The following KATNAL1 variants were observed in gnomAD, a reference collection of about 807,000 sequenced individuals.
The protein encoded by KATNAL1 is katanin catalytic subunit A1 like 1, also known as katanin p60 ATPase-containing subunit A-like 1.
KATNAL1 carries 32 observed loss-of-function variants against 55.2 expected under a neutral mutation model. The ratio of observed to expected loss-of-function variants is 0.58; its 90% confidence interval spans 0.44 to 0.78. The LOEUF is 0.78. Ranked by LOEUF, KATNAL1 falls within the 30% of genes least tolerant of loss-of-function variation. The probability of loss-of-function intolerance (pLI) is 0.00; values close to 1 mark genes in which losing one functional copy is unlikely to be tolerated. For missense variants in KATNAL1, 466 were observed against 600.9 expected (o/e 0.78, Z 2.35); for synonymous variants, 193 against 193.6 (o/e 1.00, Z 0.02).
chr13:30,293,740 C>G (rs1053378009), intron 1 of KATNAL1, among the ~76,000 whole-genome samples: 1 of 152,152 alleles, frequency 6.6e-6, no homozygotes, highest in Non-Finnish European at 1.5e-5. Context: ...ACAGGCCCAC[C>G]TCAGTTTACC....
chr13:30,277,975 T>C (rs1206438196), intron 3 of KATNAL1, among the ~76,000 whole-genome samples: 1 of 88,022 alleles, frequency 1.1e-5, no homozygotes, highest in Admixed American at 1.9e-4. Flanking sequence ...AGAGCGAGAC[T>C]CCGTCTCAAA....
intron 8 of KATNAL1, 120 bp from the exon 9 acceptor site, chr13:30,227,666 C>T (rs973262433): frequency 1.6e-5 from 16 of 976,020 alleles, no homozygotes; most frequent in Middle Eastern, 2.8e-4. Context: ...GCAGTCCTGA[C>T]CTCTGTGTGG....
At chr13:30,275,697 C>T (rs1880791253) in intron 3 of KATNAL1, among the ~76,000 whole-genome samples, 1 of 151,906 alleles carries the variant, frequency 6.6e-6, no homozygotes, top group African/African-American at 2.4e-5. Context: ...GAGGGTAGAT[C>T]TTAAGTGTTC....
chr13:30,231,617 A>G (rs553061457), intron 6 of KATNAL1, 145 bp from the exon 7 acceptor site: 9 of 486,592 alleles, frequency 1.8e-5, no homozygotes, highest in Middle Eastern at 5.6e-4. Context: ...GCATTTAGTA[A>G]GAGTATTATT....
intron 4 of KATNAL1, among the ~76,000 whole-genome samples, chr13:30,247,625 T>C (rs1877916852): frequency 6.6e-6 from 1 of 152,004 alleles, no homozygotes; most frequent in Non-Finnish European, 1.5e-5. Flanking sequence ...TTCACAAATC[T>C]GAGGAACAAC....
Position 30,203,497 on chromosome 13 carries a change from AATCAAATGGGAG to A in KATNAL1, c.*5031_*5042del, listed in dbSNP as rs1307680287. 1 of 152,214 alleles carries A rather than the reference AATCAAATGGGAG, an allele frequency of 6.6e-6. No individual in the cohort carries two copies. Among genetic ancestry groups the A allele is most frequent in the Non-Finnish European group, 1.5e-5 (1 of 68,030 alleles). The allele number at this position is 152,214 out of a possible 1,614,324, so 9.4% of individuals were successfully genotyped here. ...AAAAGTGCATTTTATAGTTTCGAACAATCAAATGGGAGTCCTTTTATAAGAGGGAAACTTCTC... is the reference window on the plus strand; with the variant it reads ...AAAAGTGCATTTTATAGTTTCGAACATCCTTTTATAAGAGGGAAACTTCTC... On this transcript the variant is annotated 3_prime_UTR_variant, in exon 11 of 11. Transcript: ENST00000380615.
chr13:30,260,369 C>T (rs1384282124), intron 3 of KATNAL1, among the ~76,000 whole-genome samples: 10 of 152,138 alleles, frequency 6.6e-5, no homozygotes, highest in Admixed American at 2.0e-4. Flanking sequence ...CAAAGCTGGA[C>T]GGAGAATGAC....
chr13:30,253,704 T>C (rs1270337439), intron 4 of KATNAL1, among the ~76,000 whole-genome samples: 1 of 151,266 alleles, frequency 6.6e-6, no homozygotes, highest in Non-Finnish European at 1.5e-5. Flanking sequence ...ATTCAAAAAA[T>C]GCTGCTTGAT....
intron 1 of KATNAL1, among the ~76,000 whole-genome samples, chr13:30,287,484 G>A (rs990394826): frequency 6.6e-6 from 1 of 152,194 alleles, no homozygotes; most frequent in African/African-American, 2.4e-5. Context: ...AGAACTGTGA[G>A]TCACTTAAAC....
intron 4 of KATNAL1, among the ~76,000 whole-genome samples, chr13:30,255,132 T>C (rs1878664148): frequency 6.6e-6 from 1 of 152,208 alleles, no homozygotes; most frequent in African/African-American, 2.4e-5. Flanking sequence ...TTTTCATTTA[T>C]TGCTCATTTC....
chr13:30,249,045 C>A (rs372116935), intron 4 of KATNAL1, among the ~76,000 whole-genome samples: 1 of 142,394 alleles, frequency 7.0e-6, no homozygotes, highest in Non-Finnish European at 1.5e-5. Context: ...GGCAACAGAG[C>A]GAGACTCCGT....
At chr13:30,269,725 C>T (rs1266555483) in intron 3 of KATNAL1, among the ~76,000 whole-genome samples, 12 of 151,840 alleles carry the variant, frequency 7.9e-5, no homozygotes, top group Non-Finnish European at 1.3e-4. Flanking sequence ...GCCCGGCCGC[C>T]CCGTCTGAGA....
At chr13:30,254,952 G>A (rs1878651788) in intron 4 of KATNAL1, among the ~76,000 whole-genome samples, 1 of 151,964 alleles carries the variant, frequency 6.6e-6, no homozygotes, top group Non-Finnish European at 1.5e-5. Flanking sequence ...AAGTACGTGT[G>A]CACAATGAAC....
At chr13:30,254,412 T>G (rs972376054) in intron 4 of KATNAL1, among the ~76,000 whole-genome samples, 1 of 152,166 alleles carries the variant, frequency 6.6e-6, no homozygotes, top group African/African-American at 2.4e-5. Flanking sequence ...AAAATCTAAT[T>G]CATTTTCAGT....
chr13:30,291,468 T>C (rs1489495601), intron 1 of KATNAL1, among the ~76,000 whole-genome samples: 1 of 152,212 alleles, frequency 6.6e-6, no homozygotes, highest in Non-Finnish European at 1.5e-5. Context: ...AAACACTCAA[T>C]ATGCGTAAGA....
At chr13:30,260,795 G>A (rs1879219815) in intron 3 of KATNAL1, among the ~76,000 whole-genome samples, 1 of 147,830 alleles carries the variant, frequency 6.8e-6, no homozygotes, top group African/African-American at 2.5e-5. Flanking sequence ...AAAACACTCT[G>A]CAGGATATCA....
At chr13:30,240,073 A>T (rs1465877470) in intron 6 of KATNAL1, among the ~76,000 whole-genome samples, 1 of 152,106 alleles carries the variant, frequency 6.6e-6, no homozygotes, top group Non-Finnish European at 1.5e-5. Context: ...AAAATAATTA[A>T]CCATCAGTGA....
In KATNAL1 at chr13:30,251,762, C is replaced by A. The variant is rs73443683; in HGVS notation, c.492+3685G>T. Among the ~76,000 whole-genome samples the A allele has an allele frequency of 9.4e-3, 1,426 of 152,266 alleles. 35 individuals carry two copies. Among genetic ancestry groups the A allele is most frequent in the African/African-American group, 0.033 (1,367 of 41,534 alleles). On this transcript the variant is annotated intron_variant, in intron 4 of 10. Transcript: ENST00000380615. ...CAGGCCAGGAGCTACATTTCATTAA[C>A]GTTTGTATTTCTAGCACCTAGAAGT...
intron 4 of KATNAL1, among the ~76,000 whole-genome samples, chr13:30,247,507 C>A (rs1192965456): frequency 6.6e-6 from 1 of 152,166 alleles, no homozygotes; most frequent in Non-Finnish European, 1.5e-5. Context: ...AACCCCTGCC[C>A]TCATGAGGCA....
Sources: allele counts gnomAD v4.1 joint callset (sites outside exome capture counted in the v4.1 genomes callset), GRCh38; gene constraint gnomAD v4.1.1; transcripts MANE v1.5; gene names NCBI Gene and HGNC (gene_info 2026-07-23, HGNC 2026-07-21).